The following MAPK8 variants were observed in gnomAD, a reference collection of about 807,000 sequenced individuals.
The protein encoded by MAPK8 is JUN N-terminal kinase.
Under a neutral mutation model 52.9 loss-of-function variants are expected in MAPK8, and 13 were observed. That is an observed-to-expected ratio of 0.25 (90% CI 0.16 to 0.39). The LOEUF (loss-of-function observed/expected upper bound fraction) is 0.39. MAPK8 is among the 10% of genes least tolerant of loss of function. MAPK8 has a pLI of 1.00. For missense variants in MAPK8, 300 were observed against 519.2 expected, an observed-to-expected ratio of 0.58 and a Z score of 4.10; for synonymous variants, 191 against 169.8, an observed-to-expected ratio of 1.12 and a Z score of -0.97.
At position 48,436,568 on chromosome 10, in the gene MAPK8, T is replaced by G. The variant is rs1039251712; in HGVS notation, c.*1539T>G. The G allele has an allele frequency of 3.3e-5, 5 of 152,232 alleles. No individual in the cohort carries two copies. The highest frequency in any genetic ancestry group is 1.2e-4 in the African/African-American group (5 of 41,454). 9.4% of individuals were successfully genotyped at this position (152,232 alleles called of 1,614,324 possible). On this transcript the variant is annotated 3_prime_UTR_variant, in exon 12 of 12. Transcript: ENST00000374189. ...TTCTAGGCAGAAAGCCCCTTGGAAT[T>G]TGTGACCAACAGGAGCAAGAACAGG...
intron 11 of MAPK8, among the ~76,000 whole-genome samples, chr10:48,434,578 T>G (rs2044684501): frequency 6.6e-6 from 1 of 152,192 alleles, no homozygotes; most frequent in African/African-American, 2.4e-5. Context: ...TGAAGCCCAT[T>G]CATGGATCTT....
At chr10:48,333,219 A>G (rs1354337479) in intron 1 of MAPK8, among the ~76,000 whole-genome samples, 1 of 152,218 alleles carries the variant, frequency 6.6e-6, no homozygotes, top group Non-Finnish European at 1.5e-5. Flanking sequence ...TGTTACGACC[A>G]AGTCATCTTT....
chr10:48,378,374 C>T (rs1376441266), intron 1 of MAPK8, among the ~76,000 whole-genome samples: 1 of 151,752 alleles, frequency 6.6e-6, no homozygotes, highest in Non-Finnish European at 1.5e-5. Flanking sequence ...CTTTGGAATC[C>T]CATGATTTTA....
At chr10:48,426,552 T>C in intron 9 of MAPK8, 48 bp downstream of exon 9, 1 of 1,548,502 alleles carries the variant, frequency 6.5e-7, no homozygotes, top group Non-Finnish European at 8.8e-7. Flanking sequence ...TTCTTAGAGT[T>C]AGAATGACAG....
intron 5 of MAPK8, among the ~76,000 whole-genome samples, chr10:48,413,857 A>ATG (rs2042913085): frequency 8.0e-5 from 10 of 124,572 alleles, no homozygotes; most frequent in African/African-American, 2.7e-4. Context: ...ATATATATAT[A>ATG]TATTCAGAAA....
intron 1 of MAPK8, among the ~76,000 whole-genome samples, chr10:48,349,467 C>T (rs1418297757): frequency 6.6e-6 from 1 of 152,158 alleles, no homozygotes. Context: ...TTAAGAAACT[C>T]GCTCAAAACC....
intron 1 of MAPK8, among the ~76,000 whole-genome samples, chr10:48,353,976 A>G (rs1337279641): frequency 1.3e-5 from 2 of 152,168 alleles, no homozygotes; most frequent in Non-Finnish European, 2.9e-5. Flanking sequence ...TAGTGACACA[A>G]ATCTGCACCT....
At chr10:48,383,632 T>C (rs766437145) in intron 1 of MAPK8, among the ~76,000 whole-genome samples, 3 of 152,150 alleles carry the variant, frequency 2.0e-5, no homozygotes, top group Non-Finnish European at 2.9e-5. Flanking sequence ...TCCAAGGTAC[T>C]GTGAACTCCA....
At chr10:48,389,178 C>T (rs2041490095) in intron 1 of MAPK8, among the ~76,000 whole-genome samples, 1 of 152,030 alleles carries the variant, frequency 6.6e-6, no homozygotes, top group Non-Finnish European at 1.5e-5. Context: ...GAAATAGATG[C>T]ATTTGTATGG....
chr10:48,414,448 ATTTT>A (rs3047768), intron 5 of MAPK8, among the ~76,000 whole-genome samples: 4 of 133,796 alleles, frequency 3.0e-5, no homozygotes, highest in East Asian at 2.1e-4. Flanking sequence ...TATTGAGAGG[ATTTT>A]TTTTTTTTTT....
intron 1 of MAPK8, among the ~76,000 whole-genome samples, chr10:48,384,220 C>T (rs1427832225): frequency 6.6e-6 from 1 of 152,132 alleles, no homozygotes; most frequent in Non-Finnish European, 1.5e-5. Context: ...CTAGTGCACT[C>T]CAGCCTGGGC....
chr10:48,339,232 A>G (rs906315539), intron 1 of MAPK8, among the ~76,000 whole-genome samples: 2 of 152,240 alleles, frequency 1.3e-5, no homozygotes, highest in African/African-American at 4.8e-5. Context: ...TGGTACAAAG[A>G]TAGACACATA....
At chr10:48,337,691 A>C (rs1844830586) in intron 1 of MAPK8, among the ~76,000 whole-genome samples, 1 of 152,290 alleles carries the variant, frequency 6.6e-6, no homozygotes, top group Non-Finnish European at 1.5e-5. Context: ...AGGGTAAACA[A>C]AATTGATAGA....
At position 48,423,893 on chromosome 10, in the gene MAPK8, CTT is replaced by C. The variant is rs2043512498; in HGVS notation, c.617-193_617-192del. Among the ~76,000 whole-genome samples, 10 of 152,278 alleles carry C rather than the reference CTT, an allele frequency of 6.6e-5. No homozygotes were observed. The South Asian group carries it at 2.1e-3, about 32-fold the overall frequency. On this transcript the variant is annotated intron_variant, in intron 6 of 11. Transcript: ENST00000374189. Reference sequence around the variant, plus strand: ...TTAGATATGTAGTTAAAATGCCACACTTTACATTTTCTTTTGTGAACCAGACT... The same window carrying C: ...TTAGATATGTAGTTAAAATGCCACACTACATTTTCTTTTGTGAACCAGACT...
chr10:48,404,018 C>T (rs1196233510), intron 2 of MAPK8, among the ~76,000 whole-genome samples: 5 of 151,404 alleles, frequency 3.3e-5, no homozygotes, highest in African/African-American at 1.2e-4. Flanking sequence ...CTCCTGATCT[C>T]GTGATCTACC....
chr10:48,312,632 G>A (rs566820719), intron 1 of MAPK8, among the ~76,000 whole-genome samples: 2 of 152,272 alleles, frequency 1.3e-5, no homozygotes, highest in East Asian at 3.9e-4. Context: ...AGGAAGGATG[G>A]CTTTCTGATT....
At chr10:48,312,365 A>G (rs1366514550) in intron 1 of MAPK8, among the ~76,000 whole-genome samples, 3 of 152,228 alleles carry the variant, frequency 2.0e-5, no homozygotes, top group Non-Finnish European at 4.4e-5. Flanking sequence ...TGAAGCTCTT[A>G]TGATGTAAGG....
intron 1 of MAPK8, among the ~76,000 whole-genome samples, chr10:48,379,776 C>A (rs2040876434): frequency 1.3e-5 from 2 of 151,998 alleles, no homozygotes; most frequent in East Asian, 1.9e-4. Context: ...GTTTTTTATT[C>A]GAATTTTGGA....
intron 5 of MAPK8, among the ~76,000 whole-genome samples, chr10:48,419,018 A>G (rs960427527): frequency 6.6e-6 from 1 of 152,180 alleles, no homozygotes; most frequent in Non-Finnish European, 1.5e-5. Context: ...TTTTAGAAGT[A>G]TTAGCAACAT....
Sources: gnomAD v4.1 joint callset for allele counts (sites outside exome capture counted in the v4.1 genomes callset) on GRCh38, gnomAD v4.1.1 for gene constraint, MANE v1.5 for transcripts, NCBI Gene and HGNC (gene_info 2026-07-23, HGNC 2026-07-21) for gene names.